Variants in SLC26A6 observed in about 807,000 individuals in gnomAD.
SLC26A6 encodes anion exchange transporter.
A neutral mutation model predicts 87.1 loss-of-function variants in SLC26A6; 67 were observed. The observed-to-expected ratio is 0.77, with a 90% CI of 0.63 to 0.94. The LOEUF (loss-of-function observed/expected upper bound fraction) is 0.94. Ranked by LOEUF, SLC26A6 falls within the 40% of genes least tolerant of loss-of-function variation. The pLI is 0.00. For synonymous variants in SLC26A6, 414 were observed against 405.9 expected (o/e 1.02, Z -0.24); for missense variants, 902 against 973.0 (o/e 0.93, Z 0.97).
chr3:48,628,726 G>T lies in SLC26A6; in HGVS notation c.1600-12C>A. ...CGGACTTCCTTGGCCTGGGGATGAG[G>T]CAGAACTGGTGGTGGCTGAATCTCC... On this transcript the variant is annotated splice_polypyrimidine_tract_variant and intron_variant, in intron 14 of 20. Transcript: ENST00000395550. This position sits in a 1 kb window ranked among gnomAD's most constrained non-coding sequence, Gnocchi z 4.4. 6.2e-7 allele frequency: 1 copy of T among 1,612,178 alleles called. No individual in the cohort carries two copies. Among genetic ancestry groups the T allele is most frequent in the Non-Finnish European group, 8.5e-7 (1 of 1,179,290 alleles).
intron 1 of SLC26A6, chr3:48,634,656 A>G (rs1469204843): frequency 3.4e-6 from 3 of 884,662 alleles, no homozygotes; most frequent in Non-Finnish European, 2.7e-6. Flanking sequence ...GGAAGCTTTC[A>G]CCAGTCAGGA....
rs763994567 is a variant in SLC26A6, at chr3:48,630,671, C to G, written c.1184G>C (p.Cys395Ser). Reference protein sequence around the residue: ...LSNLIGGIFQCFPVSCSMSRS... With the variant: ...LSNLIGGIFQSFPVSCSMSRS... ...AGACATAGAGCAACTCACGGGGAAGCACTGGAAGATGCCTCCGATAAGGTT... is the reference window on the plus strand; with the variant it reads ...AGACATAGAGCAACTCACGGGGAAGGACTGGAAGATGCCTCCGATAAGGTT... Residue 395 changes from cysteine (C) to serine (S), a missense_variant, in exon 10 of 21, where the codon TGC (cysteine) becomes TCC (serine). This residue lies in a region of SLC26A6 where 800 missense variants were observed against 856.8 expected (regional missense o/e 0.93). Transcript: ENST00000395550. 6 of 1,602,714 alleles carry G rather than the reference C, an allele frequency of 3.7e-6. No individual in the cohort carries two copies. The highest frequency in any genetic ancestry group is 5.1e-6 in the Non-Finnish European group (6 of 1,173,984).
At position 48,626,010 on chromosome 3, in the gene SLC26A6, C is replaced by G; in HGVS notation, c.2266-10G>C. ...TTCAGAGTCTGGTGACCTGAGCAGG[C>G]AGAGGAGGGGAGGCTCTAGTCAGTT... On this transcript the variant is annotated splice_polypyrimidine_tract_variant and intron_variant, in intron 20 of 20. Transcript: ENST00000395550. The G allele has an allele frequency of 6.2e-7, 1 of 1,613,782 alleles. No individual in the cohort carries two copies. Among genetic ancestry groups the G allele is most frequent in the Non-Finnish European group, 8.5e-7 (1 of 1,179,900 alleles).
Position 48,628,582 on chromosome 3 carries a change from G to A in SLC26A6, c.1692+40C>T, listed in dbSNP as rs2046691484. 2 of 1,613,876 alleles carry A rather than the reference G, an allele frequency of 1.2e-6. No homozygotes were observed. Among genetic ancestry groups the A allele is most frequent in the Admixed American group, 3.3e-5 (2 of 59,996 alleles). ...AGAGAAGGGTTGGTGAGCTCTCTGG[G>A]AGCTGGGGCCTGACACCCATCCTGG... On this transcript the variant is annotated intron_variant, in intron 15 of 20. Transcript: ENST00000395550. The surrounding 1 kb of genome is among the most constrained non-coding windows in gnomAD (Gnocchi z 4.4).
chr3:48,630,980 G>T lies in SLC26A6; in HGVS notation c.1134+13C>A. 1 of 1,613,414 alleles carries T rather than the reference G, an allele frequency of 6.2e-7. No individual in the cohort carries two copies. Among genetic ancestry groups the T allele is most frequent in the South Asian group, 1.1e-5 (1 of 91,066 alleles). ...CACTTGGATGCCTCCTACACATCCCGCATCACCCAGACCTGGTTGCTGTCC... is the reference window on the plus strand; with the variant it reads ...CACTTGGATGCCTCCTACACATCCCTCATCACCCAGACCTGGTTGCTGTCC... On this transcript the variant is annotated intron_variant, in intron 9 of 20. Coordinates refer to ENST00000395550, the MANE Select transcript of SLC26A6 (RefSeq NM_022911.3).
chr3:48,630,838 G>C, intron 9 of SLC26A6, 118 bp from the exon 10 acceptor site: 3 of 1,499,096 alleles, frequency 2.0e-6, no homozygotes, highest in Non-Finnish European at 2.8e-6. Flanking sequence ...CCCAGAGACT[G>C]GATGCTGTCC....
In SLC26A6 at chr3:48,630,767, G is replaced by A. The variant is rs769908504; in HGVS notation, c.1135-47C>T. 25 of 1,558,248 alleles carry A rather than the reference G, an allele frequency of 1.6e-5. No individual in the cohort carries two copies. In the Admixed American group the frequency reaches 4.7e-4, roughly 29 times the overall value. ...GTGAGAAGACTTCCTAGAAGTGGCT[G>A]GTCACTGTTCCACTGTATCTAGGCC... On this transcript the variant is annotated intron_variant, in intron 9 of 20. Transcript: ENST00000395550.
chr3:48,630,535 G>A lies in SLC26A6; in HGVS notation c.1249-20C>T, dbSNP rs1336213676. ...AGCAACCTGTTCGGGGAGGGAGTGA[G>A]CAGGGGAGAGACCTCCTTCCCCAGG... is the stretch of plus-strand genomic sequence containing the variant. On this transcript the variant is annotated intron_variant, in intron 10 of 20. Transcript: ENST00000395550. The A allele has an allele frequency of 7.7e-6, 12 of 1,558,406 alleles. No individual in the cohort carries two copies. Among genetic ancestry groups the A allele is most frequent in the African/African-American group, 2.7e-5 (2 of 73,444 alleles).
chr3:48,626,383 C>T, intron 19 of SLC26A6, 29 bp from the exon 20 acceptor site: 1 of 1,613,666 alleles, frequency 6.2e-7, no homozygotes, highest in Non-Finnish European at 8.5e-7. Flanking sequence ...CCTCCCCTGA[C>T]TCTCAGAACC....
Position 48,628,742 on chromosome 3 carries a change from C to A in SLC26A6, c.1600-28G>T, listed in dbSNP as rs1205655762. The stretch of plus-strand genomic sequence containing the variant: ...GGGGATGAGGCAGAACTGGTGGTGG[C>A]TGAATCTCCTCTCTCCTGGCTGCAT... On this transcript the variant is annotated intron_variant, in intron 14 of 20. Coordinates refer to ENST00000395550, the MANE Select transcript of SLC26A6 (RefSeq NM_022911.3). This position sits in a 1 kb window ranked among gnomAD's most constrained non-coding sequence, Gnocchi z 4.4. The A allele has an allele frequency of 6.2e-7, 1 of 1,606,820 alleles. No homozygotes were observed. The highest frequency in any genetic ancestry group is 1.7e-5 in the Admixed American group (1 of 58,966).
chr3:48,626,567 AC>A, intron 19 of SLC26A6, 63 bp downstream of exon 19: 1 of 1,606,622 alleles, frequency 6.2e-7, no homozygotes, highest in Non-Finnish European at 8.5e-7. Context: ...TACTTGGAAA[AC>A]CCCTTGGCCA....
At position 48,629,937 on chromosome 3, in the gene SLC26A6, G is replaced by A. The variant is rs2046734816; in HGVS notation, c.1464C>T (p.Asn488=). Residue 488 remains asparagine (N), a synonymous_variant, in exon 13 of 21, where the codon AAC becomes AAT. Coordinates refer to ENST00000395550, the MANE Select transcript of SLC26A6 (RefSeq NM_022911.3). ...LVTFTATILL[N]LDLGLVVAVI... is the part of the protein sequence containing the mutation. ...CCGCAACCACCAAGCCAAGGTCCAG[G>A]TTCAGCAAGATGGTGGCCGTGAAGG... 2 of 1,614,014 alleles carry A rather than the reference G, an allele frequency of 1.2e-6. No homozygotes were observed. Among genetic ancestry groups the A allele is most frequent in the African/African-American group, 2.7e-5 (2 of 74,930 alleles).
Position 48,628,768 on chromosome 3 carries a change from C to A in SLC26A6, c.1600-54G>T, listed in dbSNP as rs116566786. ...TGAATCTCCTCTCTCCTGGCTGCAT[C>A]CTGTTCTCCTGCCTTTCCTTCCCTA... On this transcript the variant is annotated intron_variant, in intron 14 of 20. Transcript: ENST00000395550. This position sits in a 1 kb window ranked among gnomAD's most constrained non-coding sequence, Gnocchi z 4.4. 1,409 of 1,574,734 alleles carry A rather than the reference C, an allele frequency of 8.9e-4. 12 individuals are homozygous for A. The African/African-American group carries it at 0.017, about 20-fold the overall frequency.
In SLC26A6 at chr3:48,626,944, G is replaced by C. The variant is rs1328856262; in HGVS notation, c.2005C>G (p.His669Asp). The C allele has an allele frequency of 2.5e-6, 4 of 1,614,198 alleles. No individual in the cohort carries two copies. The East Asian group carries it at 8.9e-5, about 36-fold the overall frequency. Residue 669 changes from histidine to aspartate, a missense_variant, in exon 18 of 21, where the codon CAC (histidine) becomes GAC (aspartate). Physicochemically the swap from His to Asp is moderately conservative, Grantham distance 81 (BLOSUM62 -1). Coordinates refer to ENST00000395550, the MANE Select transcript of SLC26A6 (RefSeq NM_022911.3). ...KALGLPQPDF[H>D]SLILDLGALS... ...GCACCCAGGTCCAGGATGAGGCTGT[G>C]GAAGTCTGGCTGAGGCAGGCCCAGG...
chr3:48,634,976 G>C (rs2046914711), intron 1 of SLC26A6, among the ~76,000 whole-genome samples: 1 of 152,234 alleles, frequency 6.6e-6, no homozygotes, highest in Non-Finnish European at 1.5e-5. Context: ...AGAAAGGCCG[G>C]AGCGCTCACT....
intron 19 of SLC26A6, 100 bp from the exon 20 acceptor site, chr3:48,626,454 AC>A: frequency 1.3e-6 from 2 of 1,566,848 alleles, no homozygotes; most frequent in Non-Finnish European, 1.7e-6. Context: ...CCTGACCTCC[AC>A]CCCTGAGGCT....
intron 18 of SLC26A6, 61 bp from the exon 19 acceptor site, chr3:48,626,746 G>A (rs1263833898): frequency 1.1e-5 from 18 of 1,611,272 alleles, no homozygotes; most frequent in African/African-American, 2.7e-5. Flanking sequence ...GGGGGCTCGG[G>A]CAGGCTTGGG....
chr3:48,629,970 C>T lies in SLC26A6; in HGVS notation c.1431G>A (p.Trp477Ter), dbSNP rs769375154. The T allele has an allele frequency of 8.1e-6, 13 of 1,613,986 alleles. No individual in the cohort carries two copies. The highest frequency in any genetic ancestry group is 1.1e-5 in the Non-Finnish European group (13 of 1,180,030). The stretch of plus-strand genomic sequence containing the variant: ...AGATGGTGGCCGTGAAGGTCACCAG[C>T]CAGATAAGCTGAGAACAGAGGGCAG... ...WKANRADLLI[W>*]LVTFTATILL... The change falls in exon 13 of 21, where the codon TGG becomes TGA. Residue 477 changes from tryptophan to a stop codon, truncating the protein, a stop_gained. Transcript: ENST00000395550. LOFTEE classifies it high-confidence loss of function.
In SLC26A6 at chr3:48,628,054, CAG is replaced by C. The variant is rs2046675136; in HGVS notation, c.1801-18_1801-17del. 5.1e-6 allele frequency: 8 copies of C among 1,553,990 alleles called. No homozygotes were observed. The highest frequency in any genetic ancestry group is 1.2e-5 in the South Asian group (1 of 81,722). The stretch of plus-strand genomic sequence containing the variant: ...GGGAGGCAGCCTACACCAGGGAAGA[CAG>C]GGAATGGGAAACAGCTAGCCCGGCT... On this transcript the variant is annotated splice_polypyrimidine_tract_variant and intron_variant, in intron 16 of 20. Transcript: ENST00000395550. This position sits in a 1 kb window ranked among gnomAD's most constrained non-coding sequence, Gnocchi z 4.4.
Sources: allele counts gnomAD v4.1 joint callset (sites outside exome capture counted in the v4.1 genomes callset), GRCh38; gene constraint gnomAD v4.1.1; regional missense constraint gnomAD v4.1.1; non-coding constraint Gnocchi (gnomAD v3.1); transcripts MANE v1.5; gene names NCBI Gene and HGNC (gene_info 2026-07-23, HGNC 2026-07-21).